The following AGBL4 variants were observed in gnomAD, a reference collection of about 807,000 sequenced individuals.
AGBL4 encodes AGBL carboxypeptidase 4.
In AGBL4, 58 loss-of-function variants were observed where a neutral mutation model predicts 66.4. The ratio of observed to expected loss-of-function variants is 0.87; its 90% confidence interval spans 0.71 to 1.09. The LOEUF (loss-of-function observed/expected upper bound fraction) is 1.09, where lower values mean the gene tolerates loss of function less well. Ranked by LOEUF, AGBL4 falls within the 50% of genes least tolerant of loss-of-function variation. The pLI is 0.00. For missense variants in AGBL4, 579 were observed against 631.0 expected, an observed-to-expected ratio of 0.92 and a Z score of 0.88; for synonymous variants, 234 against 222.9, an observed-to-expected ratio of 1.05 and a Z score of -0.44.
Position 49,796,469 on chromosome 1 carries a change from G to A in AGBL4, c.157+54927C>T, listed in dbSNP as rs141886174. Among the ~76,000 whole-genome samples, 538 of 150,806 alleles carry A rather than the reference G, an allele frequency of 3.6e-3. 4 individuals are homozygous for A. Among genetic ancestry groups the A allele is most frequent in the Non-Finnish European group, 5.7e-3 (383 of 67,486 alleles). ...GGGAAATCACTAAATAATTCCAACC[G>A]CTTAATAATATTCTGTTACAAAGAC... On this transcript the variant is annotated intron_variant, in intron 2 of 13. Transcript: ENST00000371839.
At chr1:48,913,460 CA>C (rs1304368690) in intron 5 of AGBL4, among the ~76,000 whole-genome samples, 1 of 152,148 alleles carries the variant, frequency 6.6e-6, no homozygotes, top group Non-Finnish European at 1.5e-5. Flanking sequence ...CCCTCCTCAT[CA>C]CTCACATTAC....
chr1:49,285,848 C>T (rs1267834231), intron 3 of AGBL4, among the ~76,000 whole-genome samples: 2 of 152,182 alleles, frequency 1.3e-5, no homozygotes, highest in Non-Finnish European at 2.9e-5. Context: ...GGGAATCCTC[C>T]CTAACTCATT....
chr1:49,563,340 A>G (rs1453971363), intron 3 of AGBL4, among the ~76,000 whole-genome samples: 4 of 152,026 alleles, frequency 2.6e-5, no homozygotes, highest in African/African-American at 9.7e-5. Flanking sequence ...AACTTCCAAC[A>G]CTATGTTGAA....
Position 48,682,966 on chromosome 1 carries a change from T to A in AGBL4, c.635-19725A>T, listed in dbSNP as rs138903544. Among the ~76,000 whole-genome samples the A allele has an allele frequency of 9.9e-5, 15 of 152,240 alleles. No individual in the cohort carries two copies. The East Asian group carries it at 2.7e-3, about 27-fold the overall frequency. On this transcript the variant is annotated intron_variant, in intron 6 of 13. Transcript: ENST00000371839. Reference sequence around the variant, plus strand: ...TTTATGGATGAGAGAAACCATGGCATCCAGGAAAAGCAGGATGTCACCTTC... The same window carrying A: ...TTTATGGATGAGAGAAACCATGGCAACCAGGAAAAGCAGGATGTCACCTTC...
chr1:48,819,245 T>A (rs1646257623), intron 6 of AGBL4, among the ~76,000 whole-genome samples: 1 of 152,150 alleles, frequency 6.6e-6, no homozygotes, highest in Non-Finnish European at 1.5e-5. Context: ...TATGGAAGTG[T>A]GAAAGAATCT....
intron 3 of AGBL4, among the ~76,000 whole-genome samples, chr1:49,474,665 C>A (rs1394588544): frequency 6.6e-6 from 1 of 151,646 alleles, no homozygotes; most frequent in Non-Finnish European, 1.5e-5. Flanking sequence ...CTTTGCTGAA[C>A]TATTTAAAAA....
intron 9 of AGBL4, among the ~76,000 whole-genome samples, chr1:48,613,160 C>T (rs1025189571): frequency 8.6e-5 from 13 of 151,938 alleles, no homozygotes; most frequent in Admixed American, 2.6e-4. Context: ...TTATGAGACA[C>T]TTTAAGAGGT....
At chr1:49,826,027 T>C (rs1002764144) in intron 2 of AGBL4, among the ~76,000 whole-genome samples, 1 of 152,164 alleles carries the variant, frequency 6.6e-6, no homozygotes, top group Non-Finnish European at 1.5e-5. Flanking sequence ...CGATTTTCCA[T>C]ATAATAACTT....
chr1:49,262,949 T>C (rs970320792), intron 3 of AGBL4, among the ~76,000 whole-genome samples: 10 of 152,194 alleles, frequency 6.6e-5, no homozygotes, highest in African/African-American at 2.2e-4. Flanking sequence ...ATGTGGCACA[T>C]ATACACCATG....
At position 49,453,187 on chromosome 1, in the gene AGBL4, C is replaced by A. The variant is rs569301450; in HGVS notation, c.283-207323G>T. Among the ~76,000 whole-genome samples the A allele has an allele frequency of 4.7e-4, 71 of 151,916 alleles. 1 individual carries two copies. In the South Asian group the frequency reaches 0.014, roughly 31 times the overall value. ...TCTTCTTCTTCTAAAGGGGTATTAACCATACAATGTCACCATTCATTAACA... is the reference window on the plus strand; with the variant it reads ...TCTTCTTCTTCTAAAGGGGTATTAAACATACAATGTCACCATTCATTAACA... On this transcript the variant is annotated intron_variant, in intron 3 of 13. Coordinates refer to ENST00000371839, the MANE Select transcript of AGBL4 (RefSeq NM_032785.4).
intron 3 of AGBL4, among the ~76,000 whole-genome samples, chr1:49,288,436 G>C (rs1319498124): frequency 6.6e-6 from 1 of 151,988 alleles, no homozygotes; most frequent in Non-Finnish European, 1.5e-5. Context: ...AGCATTTGCT[G>C]AATCTGGTGA....
At chr1:49,616,811 A>T (rs1213111601) in intron 3 of AGBL4, among the ~76,000 whole-genome samples, 1 of 152,146 alleles carries the variant, frequency 6.6e-6, no homozygotes, top group Non-Finnish European at 1.5e-5. Flanking sequence ...GACTCATTTC[A>T]TTATCTCACA....
At chr1:49,497,046 G>A (rs1279599551) in intron 3 of AGBL4, among the ~76,000 whole-genome samples, 1 of 151,724 alleles carries the variant, frequency 6.6e-6, no homozygotes, top group Non-Finnish European at 1.5e-5. Context: ...GTCATCTTTT[G>A]TCTTTGTGGT....
chr1:49,375,057 C>T (rs1557880818), intron 3 of AGBL4, among the ~76,000 whole-genome samples: 1 of 152,170 alleles, frequency 6.6e-6, no homozygotes, highest in Non-Finnish European at 1.5e-5. Context: ...CATTTTCTTA[C>T]ATGAACTATG....
At position 48,750,507 on chromosome 1, in the gene AGBL4, A is replaced by G. The variant is rs183555709; in HGVS notation, c.635-87266T>C. Among the ~76,000 whole-genome samples the G allele has an allele frequency of 8.5e-5, 13 of 152,214 alleles. No individual in the cohort carries two copies. In the East Asian group the frequency reaches 9.7e-4, roughly 11 times the overall value. On this transcript the variant is annotated intron_variant, in intron 6 of 13. Transcript: ENST00000371839. ...AGCCATGTAAGGAGCTCTCTTTTGT[A>G]TCCTTTCCCAACATCCTGAGAGCTC...
At chr1:49,261,812 TAAAGTTCATATGGAACCAAA>T (rs1223715859) in intron 3 of AGBL4, among the ~76,000 whole-genome samples, 6 of 148,224 alleles carry the variant, frequency 4.0e-5, no homozygotes, top group African/African-American at 1.5e-4. Context: ...AAAACTACTT[TAAAGTTCATATGGAACCAAA>T]AAAGAGCCCA....
At chr1:49,915,558 G>A (rs1236144966) in intron 1 of AGBL4, among the ~76,000 whole-genome samples, 3 of 152,212 alleles carry the variant, frequency 2.0e-5, no homozygotes, top group Admixed American at 1.3e-4. Flanking sequence ...CCATTGCTGA[G>A]GCTTGAGTAG....
intron 1 of AGBL4, among the ~76,000 whole-genome samples, chr1:49,859,747 TAA>T: frequency 1.3e-5 from 2 of 152,190 alleles, no homozygotes; most frequent in East Asian, 3.9e-4. Context: ...AACATCATCC[TAA>T]AGTTTCTAAA....
intron 3 of AGBL4, among the ~76,000 whole-genome samples, chr1:49,275,856 T>C (rs983388205): frequency 1.3e-5 from 2 of 152,128 alleles, no homozygotes; most frequent in Non-Finnish European, 2.9e-5. Flanking sequence ...CAACTTGATA[T>C]AAACTTTGGG....
Sources: allele counts gnomAD v4.1 joint callset (sites outside exome capture counted in the v4.1 genomes callset), GRCh38; gene constraint gnomAD v4.1.1; transcripts MANE v1.5; gene names NCBI Gene and HGNC (gene_info 2026-07-23, HGNC 2026-07-21).